Variants in CD5 observed in about 807,000 individuals in gnomAD.
The protein encoded by CD5 is CD5 molecule, also known as T-cell surface glycoprotein CD5.
In CD5, 36 loss-of-function variants were observed where a neutral mutation model predicts 60.3. The ratio of observed to expected loss-of-function variants is 0.60; its 90% CI spans 0.46 to 0.79. CD5 has a LOEUF of 0.79. Among genes scored for constraint, CD5 ranks in the 30% least tolerant of loss-of-function variants. CD5 has a pLI of 0.00. For missense variants in CD5, 540 were observed against 630.6 expected (o/e 0.86, Z 1.54); for synonymous variants, 230 against 257.6 (o/e 0.89, Z 1.03).
At chr11:61,119,140 G>T (rs1303100678) in intron 4 of CD5, 94 bp from the exon 5 acceptor site, 5 of 1,279,668 alleles carry the variant, frequency 3.9e-6, no homozygotes, top group Non-Finnish European at 5.4e-6. Flanking sequence ...GCGTTAGTCA[G>T]TAGTTGTCCA....
intron 1 of CD5, among the ~76,000 whole-genome samples, chr11:61,114,069 A>C (rs1860899179): frequency 6.6e-6 from 1 of 152,170 alleles, no homozygotes; most frequent in Non-Finnish European, 1.5e-5. Context: ...CCAACACACA[A>C]AAAGTGATCA....
intron 1 of CD5, among the ~76,000 whole-genome samples, chr11:61,111,962 G>T (rs1860861704): frequency 6.6e-6 from 1 of 152,228 alleles, no homozygotes; most frequent in Non-Finnish European, 1.5e-5. Flanking sequence ...GGAAATCGTG[G>T]CTTGGAGGCA....
chr11:61,114,454 G>GCATATATA (rs1565184485), intron 1 of CD5, among the ~76,000 whole-genome samples: 1 of 151,154 alleles, frequency 6.6e-6, no homozygotes, highest in Non-Finnish European at 1.5e-5. Context: ...ACACATACAT[G>GCATATATA]CATACATACA....
intron 1 of CD5, among the ~76,000 whole-genome samples, chr11:61,106,911 GGA>G (rs1385301058): frequency 6.6e-6 from 1 of 152,156 alleles, no homozygotes; most frequent in Non-Finnish European, 1.5e-5. Context: ...GACTAGGTAT[GGA>G]TTGAACACCT....
upstream of CD5, among the ~76,000 whole-genome samples, chr11:61,102,047 C>G (rs1860700988): frequency 6.6e-6 from 1 of 152,216 alleles, no homozygotes; most frequent in South Asian, 2.1e-4. Context: ...CAACCTCATC[C>G]CTCACAAAGG....
intron 2 of CD5, 35 bp downstream of exon 2, chr11:61,115,129 A>G: frequency 6.5e-7 from 1 of 1,542,428 alleles, no homozygotes; most frequent in Non-Finnish European, 8.8e-7. Flanking sequence ...GGCCTGGGGC[A>G]GGGGGAGAGT....
chr11:61,122,245 C>T (rs939244170), intron 6 of CD5, among the ~76,000 whole-genome samples: 12 of 141,058 alleles, frequency 8.5e-5, no homozygotes, highest in East Asian at 6.3e-4. Flanking sequence ...GGTAACTAAA[C>T]GGGAAGTAAA....
intron 1 of CD5, among the ~76,000 whole-genome samples, chr11:61,114,663 T>C (rs1328365937): frequency 6.6e-6 from 1 of 151,810 alleles, no homozygotes; most frequent in African/African-American, 2.4e-5. Flanking sequence ...ATAATAATAA[T>C]TGATGGTTAC....
chr11:61,107,406 A>G (rs968128164), intron 1 of CD5, among the ~76,000 whole-genome samples: 2 of 152,112 alleles, frequency 1.3e-5, no homozygotes, highest in African/African-American at 4.8e-5. Flanking sequence ...CCAGGTCCTC[A>G]AGTGCATCTT....
At chr11:61,098,025 G>A (rs149923883), upstream of CD5, among the ~76,000 whole-genome samples, 1,290 of 152,278 alleles carry the variant, frequency 8.5e-3, 23 homozygotes, top group African/African-American at 0.029. Context: ...CTGTCTACAC[G>A]TAGATGATCA....
At chr11:61,114,647 G>GTAA (rs1298952278) in intron 1 of CD5, among the ~76,000 whole-genome samples, 2 of 151,852 alleles carry the variant, frequency 1.3e-5, no homozygotes, top group African/African-American at 2.4e-5. Context: ...GTCTCAAAAA[G>GTAA]TAATAATAAT....
At chr11:61,094,161 T>C in the CD5 span, among the ~76,000 whole-genome samples, 1 of 151,794 alleles carries the variant, frequency 6.6e-6, no homozygotes, top group Non-Finnish European at 1.5e-5. Context: ...TCTGGCCAGC[T>C]TGAGCGACAC....
intron 5 of CD5, among the ~76,000 whole-genome samples, chr11:61,120,181 G>C (rs530324595): frequency 9.8e-5 from 15 of 152,322 alleles, no homozygotes; most frequent in African/African-American, 3.6e-4. Flanking sequence ...GAGTCTGTGA[G>C]ACCCCGGTGG....
At chr11:61,114,420 G>A (rs1437056487) in intron 1 of CD5, among the ~76,000 whole-genome samples, 2 of 151,960 alleles carry the variant, frequency 1.3e-5, no homozygotes, top group Non-Finnish European at 2.9e-5. Flanking sequence ...ACAACATAGT[G>A]AGACCCCATC....
chr11:61,100,265 A>ACT (rs1860648572), upstream of CD5, among the ~76,000 whole-genome samples: 1 of 146,952 alleles, frequency 6.8e-6, no homozygotes, highest in Admixed American at 6.7e-5. Context: ...CATGGAGATC[A>ACT]CACACACATC....
intron 1 of CD5, among the ~76,000 whole-genome samples, chr11:61,113,854 G>C (rs1860895523): frequency 6.6e-6 from 1 of 152,114 alleles, no homozygotes; most frequent in Non-Finnish European, 1.5e-5. Context: ...ATTTTTAGTA[G>C]AGACAGGGTT....
intron 7 of CD5, 72 bp from the exon 8 acceptor site, chr11:61,123,812 T>TGCC: frequency 2.4e-5 from 8 of 339,966 alleles, no homozygotes; most frequent in Non-Finnish European, 3.8e-5. Flanking sequence ...CCCAGCCCCA[T>TGCC]CCCCACCCCT....
rs781397522 is a variant in CD5 at position 61,116,778 on chromosome 11, CCA to C, written c.95-1385_95-1384del. 8.0e-4 allele frequency among the ~76,000 whole-genome samples: 112 copies of C among 140,364 alleles called. 1 individual carries two copies. The highest frequency in any genetic ancestry group is 4.9e-3 in the East Asian group (23 of 4,722). 92.1% of individuals were successfully genotyped at this position (140,364 alleles called of 152,430 possible). On this transcript the variant is annotated intron_variant, in intron 2 of 10. Coordinates refer to ENST00000347785, the MANE Select transcript of CD5 (RefSeq NM_014207.4). Reference sequence around the variant, plus strand: ...CACACACCACACACACCACGCACCACCACACACACACACCACCTGCACACTAC... The same window carrying C: ...CACACACCACACACACCACGCACCACCACACACACACCACCTGCACACTAC...
chr11:61,106,904 T>C (rs1329341109), intron 1 of CD5, among the ~76,000 whole-genome samples: 1 of 152,090 alleles, frequency 6.6e-6, no homozygotes, highest in Non-Finnish European at 1.5e-5. Flanking sequence ...ATTCAGAGAC[T>C]AGGTATGGAT....
Sources: gnomAD v4.1 joint callset for allele counts (sites outside exome capture counted in the v4.1 genomes callset) on GRCh38, gnomAD v4.1.1 for gene constraint, MANE v1.5 for transcripts, NCBI Gene and HGNC (gene_info 2026-07-23, HGNC 2026-07-21) for gene names.